Variants in ARSG observed in about 807,000 individuals in gnomAD.
ARSG encodes arylsulfatase G.
ARSG carries 37 observed loss-of-function variants against 50.5 expected under a neutral mutation model. The ratio of observed to expected loss-of-function variants is 0.73; its 90% CI spans 0.56 to 0.96. The LOEUF (loss-of-function observed/expected upper bound fraction) is 0.96. Ranked by LOEUF, ARSG falls within the 50% of genes least tolerant of loss-of-function variation. The pLI is 0.00. For missense variants in ARSG, 629 were observed against 675.3 expected, an observed-to-expected ratio of 0.93 and a Z score of 0.76; for synonymous variants, 225 against 254.6, an observed-to-expected ratio of 0.88 and a Z score of 1.11.
chr17:68,323,971 G>C (rs1013514025), intron 2 of ARSG, among the ~76,000 whole-genome samples: 13 of 151,456 alleles, frequency 8.6e-5, no homozygotes, highest in Non-Finnish European at 1.5e-4. Context: ...TATTTGGGAG[G>C]CTGAGGCAGG....
At chr17:68,449,273 T>C in the ARSG span, among the ~76,000 whole-genome samples, 1 of 152,228 alleles carries the variant, frequency 6.6e-6, no homozygotes, top group African/African-American at 2.4e-5. Context: ...AGCACGTATC[T>C]ACCAAGCACT....
At chr17:68,372,877 ATTTTTTTT>A (rs55668215) in intron 8 of ARSG, among the ~76,000 whole-genome samples, 1 of 93,162 alleles carries the variant, frequency 1.1e-5, no homozygotes, top group Non-Finnish European at 2.1e-5. Flanking sequence ...GGAAATGCTG[ATTTTTTTT>A]TTTTTTTTTT....
chr17:68,441,744 C>T, the ARSG span, among the ~76,000 whole-genome samples: 9 of 152,164 alleles, frequency 5.9e-5, no homozygotes, highest in Non-Finnish European at 1.3e-4. Flanking sequence ...CTCTCCGTGG[C>T]AACTCTGGGG....
intron 11 of ARSG, among the ~76,000 whole-genome samples, chr17:68,416,790 T>TAGA (rs58205288): frequency 0.39 from 59,287 of 151,638 alleles, 13,128 homozygotes; most frequent in Admixed American, 0.53. Context: ...TTTGCATTAC[T>TAGA]AGAAGTATGT....
At chr17:68,261,996 AC>A (rs1555745274) in intron 1 of ARSG, among the ~76,000 whole-genome samples, 1 of 151,768 alleles carries the variant, frequency 6.6e-6, no homozygotes. Flanking sequence ...TACTAAAAAT[AC>A]AAAAAAAAAA....
intron 8 of ARSG, among the ~76,000 whole-genome samples, chr17:68,370,727 G>C (rs1242266576): frequency 6.6e-6 from 1 of 152,094 alleles, no homozygotes; most frequent in African/African-American, 2.4e-5. Context: ...GCTCAGTTTG[G>C]ACCATCCCTG....
intron 2 of ARSG, among the ~76,000 whole-genome samples, chr17:68,324,861 C>A (rs2077440968): frequency 6.6e-6 from 1 of 152,208 alleles, no homozygotes; most frequent in Non-Finnish European, 1.5e-5. Context: ...CACTTAACTT[C>A]TTTTGGGAAA....
chr17:68,450,708 T>A, the ARSG span: 1 of 1,598,932 alleles, frequency 6.3e-7, no homozygotes, highest in African/African-American at 1.3e-5. Flanking sequence ...TTTGAAACCC[T>A]GAGGGATTTC....
chr17:68,367,940 G>A lies in ARSG; in HGVS notation c.705-608G>A, dbSNP rs370828776. 4.6e-5 allele frequency among the ~76,000 whole-genome samples: 7 copies of A among 152,066 alleles called. No individual in the cohort carries two copies. Among genetic ancestry groups the A allele is most frequent in the South Asian group, 2.1e-4 (1 of 4,826 alleles). On this transcript the variant is annotated intron_variant, in intron 6 of 11. Coordinates refer to ENST00000621439, the MANE Select transcript of ARSG (RefSeq NM_001267727.2). This position sits in a 1 kb window ranked among gnomAD's most constrained non-coding sequence, Gnocchi z 4.5. ...ACAAAATTAGACGGGCATGGGGGTG[G>A]GCACCTGTAATTCCAGCTACTCAGG...
At chr17:68,395,225 G>T (rs367621993) in intron 10 of ARSG, 32 bp downstream of exon 10, 1 of 1,611,170 alleles carries the variant, frequency 6.2e-7, no homozygotes, top group Non-Finnish European at 8.5e-7. Context: ...CCACATGTAG[G>T]CTCTTTAGGA....
chr17:68,439,422 T>C, the ARSG span, among the ~76,000 whole-genome samples: 4 of 152,014 alleles, frequency 2.6e-5, no homozygotes, highest in African/African-American at 7.2e-5. Flanking sequence ...ATGTCCAGAA[T>C]AGAGAAATCC....
intron 2 of ARSG, among the ~76,000 whole-genome samples, chr17:68,315,830 A>T (rs2077049281): frequency 6.6e-6 from 1 of 152,012 alleles, no homozygotes; most frequent in Non-Finnish European, 1.5e-5. Context: ...ACAGCATTTC[A>T]CCATGTTGGC....
chr17:68,319,945 G>C (rs782077011), intron 2 of ARSG, among the ~76,000 whole-genome samples: 1 of 152,208 alleles, frequency 6.6e-6, no homozygotes, highest in African/African-American at 2.4e-5. Context: ...CCCTTGCTGG[G>C]CTTCTCACCT....
rs375736513 is a variant in ARSG at position 68,318,953 on chromosome 17, G to A, written c.218+11242G>A. 3.2e-4 allele frequency among the ~76,000 whole-genome samples: 49 copies of A among 152,264 alleles called. No homozygotes were observed. The South Asian group carries it at 7.2e-3, about 23-fold the overall frequency. ...GAATTGGCTTTTTGCAAGAGTTCAT[G>A]CACCCTGTTACCTCTCAGACCTCTT... On this transcript the variant is annotated intron_variant, in intron 2 of 11. Coordinates refer to ENST00000621439, the MANE Select transcript of ARSG (RefSeq NM_001267727.2).
chr17:68,432,400 CTCTT>C, the ARSG span, among the ~76,000 whole-genome samples: 3 of 152,212 alleles, frequency 2.0e-5, no homozygotes, highest in Non-Finnish European at 2.9e-5. Context: ...CTTGGCACCT[CTCTT>C]TCAGCCTTGT....
chr17:68,356,547 A>G, intron 5 of ARSG, 120 bp from the exon 6 acceptor site: 1 of 1,215,150 alleles, frequency 8.2e-7, no homozygotes, highest in Non-Finnish European at 1.2e-6. Context: ...CCAACCAGAA[A>G]AATCATTTGG....
chr17:68,343,243 G>T (rs2078351880), intron 2 of ARSG, among the ~76,000 whole-genome samples: 1 of 151,996 alleles, frequency 6.6e-6, no homozygotes, highest in East Asian at 1.9e-4. Context: ...CGCAACCTCC[G>T]CCTCCCAGGT....
intron 11 of ARSG, among the ~76,000 whole-genome samples, chr17:68,408,852 G>C (rs1035009982): frequency 2.0e-5 from 3 of 152,022 alleles, no homozygotes; most frequent in African/African-American, 7.2e-5. Flanking sequence ...CTGTGGTTTT[G>C]ATTTGCATTT....
At position 68,360,897 on chromosome 17, in the gene ARSG, G is replaced by A. The variant is rs190151758; in HGVS notation, c.704+4093G>A. Among the ~76,000 whole-genome samples, 32 of 152,130 alleles carry A rather than the reference G, an allele frequency of 2.1e-4. No individual in the cohort carries two copies. The East Asian group carries it at 3.3e-3, about 16-fold the overall frequency. ...TGGAGTGCAGTGTTGCAATCTTGGCGCACTGCAACCTCTGCCTCCTGGGTT... is the reference window on the plus strand; with the variant it reads ...TGGAGTGCAGTGTTGCAATCTTGGCACACTGCAACCTCTGCCTCCTGGGTT... On this transcript the variant is annotated intron_variant, in intron 6 of 11. Coordinates refer to ENST00000621439, the MANE Select transcript of ARSG (RefSeq NM_001267727.2).
Sources: allele counts gnomAD v4.1 joint callset (sites outside exome capture counted in the v4.1 genomes callset), GRCh38; gene constraint gnomAD v4.1.1; non-coding constraint Gnocchi (gnomAD v3.1); transcripts MANE v1.5; gene names NCBI Gene and HGNC (gene_info 2026-07-23, HGNC 2026-07-21).